Variants in ANO3 observed in about 807,000 individuals in gnomAD.
ANO3 encodes anoctamin-3.
Under a neutral mutation model 144.8 loss-of-function variants are expected in ANO3, and 99 were observed. The ratio of observed to expected loss-of-function variants is 0.68; its 90% CI spans 0.58 to 0.81. The LOEUF is 0.81. Among genes scored for constraint, ANO3 ranks in the 30% least tolerant of loss-of-function variants. The pLI is 0.00. For synonymous variants in ANO3, 414 were observed against 392.6 expected (o/e 1.05, Z -0.64); for missense variants, 905 against 1,202.2 (o/e 0.75, Z 3.66).
intron 13 of ANO3, among the ~76,000 whole-genome samples, chr11:26,556,892 GA>G (rs1850097399): frequency 6.6e-6 from 1 of 152,046 alleles, no homozygotes; most frequent in East Asian, 1.9e-4. Flanking sequence ...ACTTTAGTGG[GA>G]TATAAGTGGC....
intron 1 of ANO3, among the ~76,000 whole-genome samples, chr11:26,281,932 T>C (rs1009627954): frequency 6.6e-6 from 1 of 152,192 alleles, no homozygotes; most frequent in Non-Finnish European, 1.5e-5. Context: ...AGTTCGTCTA[T>C]ACAACCATGT....
At chr11:26,189,569 A>G (rs1211716875) in intron 1 of ANO3, among the ~76,000 whole-genome samples, 9 of 152,342 alleles carry the variant, frequency 5.9e-5, no homozygotes, top group African/African-American at 2.2e-4. Flanking sequence ...CAGTAAACTC[A>G]GAAAAATGTT....
intron 1 of ANO3, among the ~76,000 whole-genome samples, chr11:26,320,022 T>A (rs1473355519): frequency 6.6e-6 from 1 of 152,114 alleles, no homozygotes; most frequent in African/African-American, 2.4e-5. Flanking sequence ...CCAGCCCTTC[T>A]GAAACACTGG....
intron 26 of ANO3, among the ~76,000 whole-genome samples, chr11:26,656,726 G>A (rs942957827): frequency 6.6e-6 from 1 of 152,124 alleles, no homozygotes; most frequent in Non-Finnish European, 1.5e-5. Flanking sequence ...GCACAGTTGA[G>A]CTGAAAACTT....
chr11:26,529,052 A>T (rs1318690626), intron 7 of ANO3, among the ~76,000 whole-genome samples: 1 of 132,968 alleles, frequency 7.5e-6, no homozygotes, highest in African/African-American at 2.9e-5. Flanking sequence ...TTGCATTAGG[A>T]TTTGATTATT....
chr11:26,335,750 C>T (rs1855175854), intron 1 of ANO3, among the ~76,000 whole-genome samples: 1 of 152,130 alleles, frequency 6.6e-6, no homozygotes, highest in South Asian at 2.1e-4. Context: ...AACCCTCCTC[C>T]TTAAAGGACT....
chr11:26,442,143 T>G (rs1159497036), intron 2 of ANO3, 31 bp downstream of exon 2: 1 of 1,595,750 alleles, frequency 6.3e-7, no homozygotes, highest in Non-Finnish European at 8.5e-7. Context: ...TCTTGTTCAA[T>G]TTATAAAAAC....
At chr11:26,560,936 C>T (rs1254414580) in intron 14 of ANO3, 3 of 909,456 alleles carry the variant, frequency 3.3e-6, no homozygotes, top group Admixed American at 3.1e-5. Context: ...CTACTGGTCT[C>T]CTGCTTTTAT....
intron 14 of ANO3, among the ~76,000 whole-genome samples, chr11:26,594,722 G>GT (rs1851558368): frequency 6.6e-6 from 1 of 152,060 alleles, no homozygotes; most frequent in Non-Finnish European, 1.5e-5. Context: ...AGGGCAGGGA[G>GT]GTAGACTCTG....
intron 6 of ANO3, among the ~76,000 whole-genome samples, chr11:26,524,148 C>G (rs2134165165): frequency 6.6e-6 from 1 of 152,096 alleles, no homozygotes; most frequent in Middle Eastern, 3.4e-3. Context: ...GAAAATAGTG[C>G]AAGACAATAT....
At chr11:26,649,963 A>G (rs1853475664) in intron 24 of ANO3, among the ~76,000 whole-genome samples, 1 of 152,180 alleles carries the variant, frequency 6.6e-6, no homozygotes, top group African/African-American at 2.4e-5. Flanking sequence ...CAGTGTCTTC[A>G]CTGCCACCTA....
intron 1 of ANO3, among the ~76,000 whole-genome samples, chr11:26,374,468 A>G (rs998628716): frequency 2.0e-5 from 3 of 152,164 alleles, no homozygotes; most frequent in Non-Finnish European, 4.4e-5. Context: ...TAATATTGGT[A>G]TCTTAAAGAT....
At chr11:26,379,347 A>G (rs991624151) in intron 1 of ANO3, among the ~76,000 whole-genome samples, 5 of 152,288 alleles carry the variant, frequency 3.3e-5, no homozygotes, top group South Asian at 2.1e-4. Context: ...GATGTGATCT[A>G]TTTTCCATTT....
intron 18 of ANO3, among the ~76,000 whole-genome samples, chr11:26,626,901 T>G (rs1204529425): frequency 6.6e-6 from 1 of 152,180 alleles, no homozygotes; most frequent in African/African-American, 2.4e-5. Context: ...TCACATTTTC[T>G]AGAATTATTT....
chr11:26,286,097 T>C (rs560903889), intron 1 of ANO3: 3 of 152,122 alleles, frequency 2.0e-5, no homozygotes, highest in African/African-American at 7.2e-5. Flanking sequence ...GTTAGCTCAA[T>C]CTACAGGGAA....
upstream of ANO3, among the ~76,000 whole-genome samples, chr11:26,331,263 A>G (rs1025929174): frequency 3.3e-5 from 5 of 152,178 alleles, no homozygotes; most frequent in African/African-American, 1.2e-4. Context: ...CTGTGCAGCA[A>G]ACCACCATGG....
chr11:26,394,276 A>G (rs1247775766), intron 1 of ANO3, among the ~76,000 whole-genome samples: 2 of 152,162 alleles, frequency 1.3e-5, no homozygotes, highest in African/African-American at 2.4e-5. Flanking sequence ...CAGATGAATG[A>G]GAACTGAAAA....
At chr11:26,538,900 A>G (rs1301185058) in intron 10 of ANO3, among the ~76,000 whole-genome samples, 4 of 152,136 alleles carry the variant, frequency 2.6e-5, no homozygotes, top group East Asian at 1.9e-4. Flanking sequence ...AATAAGGCTT[A>G]TTAGGAGGAA....
rs146794243 is a variant in ANO3, at chr11:26,552,446, G to A, written c.1290-803G>A. Among the ~76,000 whole-genome samples the A allele has an allele frequency of 6.3e-3, 961 of 152,140 alleles. 6 individuals are homozygous for A. The highest frequency in any genetic ancestry group is 0.022 in the African/African-American group (906 of 41,528). On this transcript the variant is annotated intron_variant, in intron 12 of 26. Transcript: ENST00000256737. Reference sequence around the variant, plus strand: ...TTAAATTCCTTTCAACATTTCTAGAGAAGAGTTAATTCAGGGGATACTAAA... The same window carrying A: ...TTAAATTCCTTTCAACATTTCTAGAAAAGAGTTAATTCAGGGGATACTAAA...
Sources: allele counts gnomAD v4.1 joint callset (sites outside exome capture counted in the v4.1 genomes callset), GRCh38; gene constraint gnomAD v4.1.1; transcripts MANE v1.5; gene names NCBI Gene and HGNC (gene_info 2026-07-23, HGNC 2026-07-21).